Variants in EFCAB5 observed in about 807,000 individuals in gnomAD.
EFCAB5 encodes the protein EF-hand calcium binding domain 5.
A neutral mutation model predicts 167.9 loss-of-function variants in EFCAB5; 131 were observed. The observed-to-expected ratio is 0.78, with a 90% CI of 0.68 to 0.90. The LOEUF is 0.90. EFCAB5 is among the 40% of genes least tolerant of loss of function. The pLI is 0.00. For missense variants in EFCAB5, 1,663 were observed against 1,745.2 expected, an observed-to-expected ratio of 0.95 and a Z score of 0.84; for synonymous variants, 574 against 602.8, an observed-to-expected ratio of 0.95 and a Z score of 0.70.
At chr17:30,045,161 A>C (rs1258671569) in intron 8 of EFCAB5, among the ~76,000 whole-genome samples, 1 of 152,186 alleles carries the variant, frequency 6.6e-6, no homozygotes, top group Non-Finnish European at 1.5e-5. Context: ...GGACTGATTA[A>C]GAAGGGACAT....
intron 8 of EFCAB5, among the ~76,000 whole-genome samples, chr17:30,045,268 G>T (rs936779045): frequency 4.0e-5 from 6 of 151,838 alleles, no homozygotes; most frequent in Admixed American, 2.0e-4. Flanking sequence ...ACCAGTCTGG[G>T]CAACATGGCA....
At chr17:30,073,061 ATT>A (rs545468255) in intron 14 of EFCAB5, 1,218 of 512,040 alleles carry the variant, frequency 2.4e-3, no homozygotes, top group South Asian at 4.8e-3. Flanking sequence ...CCCAACCTTT[ATT>A]TTTTTTTTTT....
At chr17:29,958,553 T>A (rs759115082) in intron 3 of EFCAB5, among the ~76,000 whole-genome samples, 8 of 152,244 alleles carry the variant, frequency 5.3e-5, no homozygotes, top group Non-Finnish European at 1.2e-4. Flanking sequence ...CTCTGTGCTA[T>A]CTTGAATTTC....
chr17:30,062,587 C>T (rs924279002), intron 14 of EFCAB5, among the ~76,000 whole-genome samples: 6 of 152,288 alleles, frequency 3.9e-5, no homozygotes, highest in South Asian at 2.1e-4. Context: ...CCTTGTGGCC[C>T]GTGTGGCTAC....
chr17:30,097,014 A>ATATACATATACATATACGTATACG (rs1567777221), intron 22 of EFCAB5, among the ~76,000 whole-genome samples: 9 of 117,670 alleles, frequency 7.6e-5, no homozygotes, highest in African/African-American at 3.2e-4. Flanking sequence ...ATACATATAC[A>ATATACATATACATATACGTATACG]TATACATATA....
At chr17:29,940,728 T>C (rs1326050037), upstream of EFCAB5, among the ~76,000 whole-genome samples, 1 of 152,176 alleles carries the variant, frequency 6.6e-6, no homozygotes, top group African/African-American at 2.4e-5. Flanking sequence ...AGCTAGAACA[T>C]GTGTTATGTT....
At chr17:29,989,342 T>C (rs2068360181) in intron 4 of EFCAB5, among the ~76,000 whole-genome samples, 1 of 152,194 alleles carries the variant, frequency 6.6e-6, no homozygotes, top group Admixed American at 6.5e-5. Flanking sequence ...AATGTAACAC[T>C]GTGAAAATTT....
At chr17:30,089,547 G>A (rs1181224483) in intron 19 of EFCAB5, among the ~76,000 whole-genome samples, 1 of 152,134 alleles carries the variant, frequency 6.6e-6, no homozygotes, top group Non-Finnish European at 1.5e-5. Context: ...GAAAGAAGCA[G>A]CCACCACATT....
At chr17:30,072,189 G>A (rs972047629) in intron 14 of EFCAB5, among the ~76,000 whole-genome samples, 4 of 152,134 alleles carry the variant, frequency 2.6e-5, no homozygotes, top group African/African-American at 4.8e-5. Flanking sequence ...TGTTTGAGGT[G>A]ATGAATATGC....
intron 5 of EFCAB5, among the ~76,000 whole-genome samples, chr17:29,995,734 A>C (rs960046549): frequency 6.6e-6 from 1 of 152,206 alleles, no homozygotes; most frequent in African/African-American, 2.4e-5. Context: ...CCTGTTCAAT[A>C]AGGGCATGAG....
chr17:29,965,731 A>G (rs1482711597), intron 3 of EFCAB5, among the ~76,000 whole-genome samples: 2 of 152,182 alleles, frequency 1.3e-5, no homozygotes, highest in African/African-American at 4.8e-5. Context: ...AATGTAATCA[A>G]TTGGTCATAG....
intron 3 of EFCAB5, among the ~76,000 whole-genome samples, chr17:29,945,583 C>A (rs1283336709): frequency 2.6e-5 from 4 of 151,760 alleles, no homozygotes; most frequent in Admixed American, 6.6e-5. Flanking sequence ...AAAAAGGAAC[C>A]AAACTTTCCT....
intron 19 of EFCAB5, among the ~76,000 whole-genome samples, chr17:30,088,874 T>C (rs2071139699): frequency 6.6e-6 from 1 of 152,244 alleles, no homozygotes. Context: ...TTATTCCTTG[T>C]GCTGGTCAAA....
At chr17:30,064,332 G>A (rs1236755577) in intron 14 of EFCAB5, among the ~76,000 whole-genome samples, 1 of 152,134 alleles carries the variant, frequency 6.6e-6, no homozygotes, top group Non-Finnish European at 1.5e-5. Flanking sequence ...TAAAAAAGAA[G>A]CAGACAGAAA....
rs750160236 is a variant in EFCAB5 at position 30,056,115 on chromosome 17, A to G, written c.2324A>G (p.Glu775Gly). ...ATGAAGTATGTCACATTTGAAGATG[A>G]GGAACAGGCAAACTTAATCTATGGT... ...WKMKYVTFED[E>G]EQANLIYGNS... The change falls in exon 12 of 23, where the codon GAG (glutamate) becomes GGG (glycine). Residue 775 changes from glutamate to glycine, a missense_variant. Coordinates refer to ENST00000394835, the MANE Select transcript of EFCAB5 (RefSeq NM_198529.4). 3.1e-6 allele frequency: 5 copies of G among 1,612,140 alleles called. No individual in the cohort carries two copies. Among genetic ancestry groups the G allele is most frequent in the South Asian group, 1.1e-5 (1 of 90,710 alleles).
chr17:29,970,729 C>T (rs531370301), intron 4 of EFCAB5, among the ~76,000 whole-genome samples: 87 of 150,958 alleles, frequency 5.8e-4, no homozygotes, highest in Non-Finnish European at 9.4e-4. Context: ...ATGAGTGTTT[C>T]GGGGTGTCTT....
chr17:30,082,024 A>G (rs2070996930), intron 17 of EFCAB5, among the ~76,000 whole-genome samples: 1 of 152,194 alleles, frequency 6.6e-6, no homozygotes, highest in African/African-American at 2.4e-5. Flanking sequence ...TTTCCTGACA[A>G]CAGGCCCACA....
At chr17:29,955,540 T>C (rs770979997) in intron 3 of EFCAB5, among the ~76,000 whole-genome samples, 1 of 152,134 alleles carries the variant, frequency 6.6e-6, no homozygotes, top group Non-Finnish European at 1.5e-5. Flanking sequence ...CCTTAATTTT[T>C]TTTTTCTTTA....
At chr17:30,068,727 C>A in intron 14 of EFCAB5, 1 of 1,495,430 alleles carries the variant, frequency 6.7e-7, no homozygotes, top group Non-Finnish European at 9.3e-7. Flanking sequence ...GAGTCGATGG[C>A]AGCCGGGATG....
Sources: allele counts gnomAD v4.1 joint callset (sites outside exome capture counted in the v4.1 genomes callset), GRCh38; gene constraint gnomAD v4.1.1; transcripts MANE v1.5; gene names NCBI Gene and HGNC (gene_info 2026-07-23, HGNC 2026-07-21).